Variants in ASIC2 observed in about 807,000 individuals in gnomAD.
ASIC2 encodes acid sensing ion channel subunit 2.
In ASIC2, 25 loss-of-function variants were observed where a neutral mutation model predicts 57.3. The ratio of observed to expected loss-of-function variants is 0.44; its 90% CI spans 0.32 to 0.61. The LOEUF (loss-of-function observed/expected upper bound fraction) is 0.61. Ranked by LOEUF, ASIC2 falls within the 20% of genes least tolerant of loss-of-function variation. ASIC2 has a pLI of 0.06. For missense variants in ASIC2, 641 were observed against 738.1 expected (o/e 0.87, Z 1.52); for synonymous variants, 319 against 307.5 (o/e 1.04, Z -0.39).
At chr17:33,633,487 G>C (rs1381705049) in intron 1 of ASIC2, among the ~76,000 whole-genome samples, 3 of 152,194 alleles carry the variant, frequency 2.0e-5, no homozygotes, top group Non-Finnish European at 4.4e-5. Context: ...TGGCCACAGG[G>C]AGCCTGTTTC....
intron 1 of ASIC2, among the ~76,000 whole-genome samples, chr17:33,747,890 C>T (rs776596091): frequency 2.0e-5 from 3 of 152,202 alleles, no homozygotes; most frequent in Non-Finnish European, 4.4e-5. Context: ...ACATCATCCC[C>T]GCATCTTCAA....
At chr17:33,438,070 A>G (rs527379981) in intron 1 of ASIC2, among the ~76,000 whole-genome samples, 1 of 152,306 alleles carries the variant, frequency 6.6e-6, no homozygotes, top group African/African-American at 2.4e-5. Context: ...GGGGTCATAC[A>G]GAGTCTCAGA....
chr17:33,166,873 T>C (rs954409488), intron 1 of ASIC2, among the ~76,000 whole-genome samples: 1 of 152,230 alleles, frequency 6.6e-6, no homozygotes, highest in Non-Finnish European at 1.5e-5. Flanking sequence ...GATTTGTTTG[T>C]TTCCACTGAA....
chr17:34,065,292 C>T (rs559338938), intron 1 of ASIC2, among the ~76,000 whole-genome samples: 21 of 152,106 alleles, frequency 1.4e-4, no homozygotes, highest in Non-Finnish European at 1.9e-4. Context: ...AACCACACAT[C>T]GTATGTTCTC....
intron 1 of ASIC2, among the ~76,000 whole-genome samples, chr17:33,191,202 T>C (rs972597974): frequency 3.9e-5 from 6 of 152,168 alleles, no homozygotes; most frequent in Non-Finnish European, 7.4e-5. Flanking sequence ...AAAATCATTA[T>C]CCTCAGTTAA....
At chr17:33,705,894 C>T (rs1043244712) in intron 1 of ASIC2, among the ~76,000 whole-genome samples, 1 of 152,152 alleles carries the variant, frequency 6.6e-6, no homozygotes, top group African/African-American at 2.4e-5. Context: ...CACTCATTTT[C>T]AAGCCCCTAG....
chr17:33,669,281 C>A (rs1434833092), intron 1 of ASIC2, among the ~76,000 whole-genome samples: 3 of 152,152 alleles, frequency 2.0e-5, no homozygotes, highest in Non-Finnish European at 2.9e-5. Flanking sequence ...CAACTGTCTG[C>A]AACATGTAAA....
chr17:33,089,626 T>G (rs1332547783), intron 2 of ASIC2, among the ~76,000 whole-genome samples: 2 of 152,252 alleles, frequency 1.3e-5, no homozygotes, highest in Non-Finnish European at 2.9e-5. Context: ...ATCTATAGAA[T>G]GAGATTATAA....
At chr17:33,858,249 C>T (rs1245410389) in intron 1 of ASIC2, among the ~76,000 whole-genome samples, 1 of 152,198 alleles carries the variant, frequency 6.6e-6, no homozygotes, top group Admixed American at 6.5e-5. Flanking sequence ...TGCAGCCAAC[C>T]TGTGAGGGAG....
At chr17:34,126,899 T>A (rs890771235) in intron 1 of ASIC2, among the ~76,000 whole-genome samples, 1 of 152,058 alleles carries the variant, frequency 6.6e-6, no homozygotes, top group Admixed American at 6.5e-5. Context: ...ATGTGCTGAG[T>A]AGCCCGGGCA....
At chr17:33,447,724 T>C (rs1189843422) in intron 1 of ASIC2, among the ~76,000 whole-genome samples, 1 of 152,134 alleles carries the variant, frequency 6.6e-6, no homozygotes, top group Admixed American at 6.5e-5. Flanking sequence ...GGATAACTGA[T>C]ATATCTTGTA....
intron 1 of ASIC2, among the ~76,000 whole-genome samples, chr17:33,766,002 C>T (rs960585527): frequency 6.6e-6 from 1 of 152,168 alleles, no homozygotes; most frequent in African/African-American, 2.4e-5. Context: ...GGCAGGGACC[C>T]TTAGGAGTGG....
chr17:33,047,740 T>C (rs6505329), intron 3 of ASIC2, among the ~76,000 whole-genome samples: 102,724 of 151,498 alleles, frequency 0.68, 35,029 homozygotes, highest in East Asian at 0.86. Flanking sequence ...TTGTATATGA[T>C]TGAGCCAGTG....
At chr17:33,041,820 T>C (rs531138523) in intron 3 of ASIC2, among the ~76,000 whole-genome samples, 1 of 152,310 alleles carries the variant, frequency 6.6e-6, no homozygotes, top group East Asian at 1.9e-4. Flanking sequence ...TCCAGTGTGA[T>C]CTTGGGCATG....
intron 1 of ASIC2, among the ~76,000 whole-genome samples, chr17:34,031,354 C>A (rs1377578575): frequency 1.3e-5 from 2 of 152,094 alleles, no homozygotes; most frequent in Admixed American, 6.5e-5. Context: ...CACCAAAAAC[C>A]CATCTGTACC....
At chr17:33,396,594 C>T (rs979582064) in intron 1 of ASIC2, among the ~76,000 whole-genome samples, 7 of 152,266 alleles carry the variant, frequency 4.6e-5, no homozygotes, top group African/African-American at 1.7e-4. Context: ...CTGGGCTTTA[C>T]CTCATTGCCT....
chr17:33,732,774 A>T (rs559786542), intron 1 of ASIC2, among the ~76,000 whole-genome samples: 14 of 152,062 alleles, frequency 9.2e-5, no homozygotes, highest in Non-Finnish European at 2.1e-4. Flanking sequence ...AGTAGCTGGG[A>T]CTACAGGTGT....
intron 1 of ASIC2, among the ~76,000 whole-genome samples, chr17:33,803,075 G>T (rs1912175517): frequency 6.6e-6 from 1 of 152,196 alleles, no homozygotes; most frequent in East Asian, 1.9e-4. Context: ...ATGAGGAAAT[G>T]CTGAAGGAAA....
At chr17:33,661,594 T>C (rs1308098140) in intron 1 of ASIC2, among the ~76,000 whole-genome samples, 4 of 152,186 alleles carry the variant, frequency 2.6e-5, no homozygotes, top group Non-Finnish European at 5.9e-5. Context: ...ACCTCAAGTT[T>C]AGGCAGGGGA....
Sources: gnomAD v4.1 joint callset for allele counts (sites outside exome capture counted in the v4.1 genomes callset) on GRCh38, gnomAD v4.1.1 for gene constraint, MANE v1.5 for transcripts, NCBI Gene and HGNC (gene_info 2026-07-23, HGNC 2026-07-21) for gene names.